The following ASTN1 variants were observed in gnomAD, a reference collection of about 807,000 sequenced individuals.
The protein encoded by ASTN1 is astrotactin-1.
Under a neutral mutation model 140.7 loss-of-function variants are expected in ASTN1, and 41 were observed. The observed-to-expected ratio is 0.29, with a 90% CI of 0.23 to 0.38. The LOEUF is 0.38. Ranked by LOEUF, ASTN1 falls within the 10% of genes least tolerant of loss-of-function variation. The pLI is 1.00. For synonymous variants in ASTN1, 640 were observed against 652.2 expected, an observed-to-expected ratio of 0.98 and a Z score of 0.29; for missense variants, 1,479 against 1,678.8, an observed-to-expected ratio of 0.88 and a Z score of 2.08.
chr1:177,067,583 C>T (rs565666423), intron 1 of ASTN1, among the ~76,000 whole-genome samples: 77 of 152,210 alleles, frequency 5.1e-4, no homozygotes, highest in Middle Eastern at 6.8e-3. Flanking sequence ...CTATTAACAG[C>T]GGTATTAACT....
intron 2 of ASTN1, among the ~76,000 whole-genome samples, chr1:177,057,256 G>A (rs1309404005): frequency 6.6e-6 from 1 of 152,136 alleles, no homozygotes; most frequent in Admixed American, 6.6e-5. Flanking sequence ...CTCCCAGCTG[G>A]GGAATTGGCT....
At chr1:177,129,809 A>T (rs879810253) in intron 1 of ASTN1, among the ~76,000 whole-genome samples, 5 of 152,130 alleles carry the variant, frequency 3.3e-5, no homozygotes, top group Non-Finnish European at 7.3e-5. Flanking sequence ...TCTGCTTAAA[A>T]TACAAAAACT....
chr1:177,128,172 A>C (rs751398136), intron 1 of ASTN1, among the ~76,000 whole-genome samples: 2 of 152,202 alleles, frequency 1.3e-5, no homozygotes, highest in Non-Finnish European at 2.9e-5. Flanking sequence ...AAAAGGAGTC[A>C]TAACTTAGAA....
chr1:177,139,827 G>T (rs2102221221), intron 1 of ASTN1, among the ~76,000 whole-genome samples: 1 of 151,902 alleles, frequency 6.6e-6, no homozygotes, highest in African/African-American at 2.4e-5. Flanking sequence ...TAGATCTCTG[G>T]CTTGTCCCAT....
At chr1:177,061,050 T>G in intron 2 of ASTN1, 28 bp downstream of exon 2, 1 of 1,509,864 alleles carries the variant, frequency 6.6e-7, no homozygotes, top group Non-Finnish European at 8.9e-7. Flanking sequence ...AGCTATGGCC[T>G]GAGAGGCTAA....
chr1:176,967,124 T>C (rs571312916), intron 8 of ASTN1, among the ~76,000 whole-genome samples: 1 of 152,294 alleles, frequency 6.6e-6, no homozygotes, highest in South Asian at 2.1e-4. Context: ...AAGCTTACTA[T>C]TCATAAATGC....
intron 1 of ASTN1, among the ~76,000 whole-genome samples, chr1:177,158,655 CGTGTGT>C (rs34610563): frequency 0.032 from 4,612 of 142,628 alleles, 84 homozygotes; most frequent in African/African-American, 0.057. Flanking sequence ...GAAAAAAGTA[CGTGTGT>C]GTGTGTGTGT....
chr1:177,133,071 A>G (rs985941574), intron 1 of ASTN1, among the ~76,000 whole-genome samples: 3 of 152,218 alleles, frequency 2.0e-5, no homozygotes, highest in African/African-American at 7.2e-5. Flanking sequence ...ATATTTCGAC[A>G]TAATATCTGT....
rs767614915 is a variant in ASTN1 at position 176,958,359 on chromosome 1, A to G, written c.1722T>C (p.Asp574=). The change falls in exon 10 of 23, where the codon GAT becomes GAC. Residue 574 remains aspartate, a synonymous_variant. Coordinates refer to ENST00000361833, the MANE Select transcript of ASTN1 (RefSeq NM_004319.3). The stretch of plus-strand genomic sequence containing the variant: ...GCCAGACTCACCTGACCTCCACAGC[A>G]TCCTCCATCACAGTCATGTCCGTCT... The part of the protein sequence containing the change: ...KCKTDMTVME[D]AVEVREELMT... 6.2e-7 allele frequency: 1 copy of G among 1,613,954 alleles called. No individual in the cohort carries two copies. Among genetic ancestry groups the G allele is most frequent in the South Asian group, 1.1e-5 (1 of 91,060 alleles).
chr1:177,132,099 T>C (rs1489218763), intron 1 of ASTN1, among the ~76,000 whole-genome samples: 1 of 152,202 alleles, frequency 6.6e-6, no homozygotes, highest in Non-Finnish European at 1.5e-5. Flanking sequence ...TTGGTAAGGT[T>C]ATTAGTGATT....
In ASTN1 at chr1:176,995,784, C is replaced by G. The variant is rs1465203672; in HGVS notation, c.1523+19007G>C. On this transcript the variant is annotated intron_variant, in intron 8 of 22. Coordinates refer to ENST00000361833, the MANE Select transcript of ASTN1 (RefSeq NM_004319.3). ...TCTTTTGGTGGCTAGAGAGGAAGGA[C>G]TTGGGGATAAATCAGGGGGCAGGAA... is the stretch of plus-strand genomic sequence containing the variant. 2.0e-5 allele frequency among the ~76,000 whole-genome samples: 3 copies of G among 152,196 alleles called. No homozygotes were observed. In the East Asian group the frequency reaches 5.8e-4, roughly 29 times the overall value.
chr1:176,915,618 G>A (rs373274892), intron 16 of ASTN1, among the ~76,000 whole-genome samples: 18 of 152,140 alleles, frequency 1.2e-4, no homozygotes, highest in African/African-American at 1.9e-4. Context: ...CACAGCTTCC[G>A]GTGGTATCAT....
At chr1:177,126,784 G>C (rs1235375050) in intron 1 of ASTN1, among the ~76,000 whole-genome samples, 4 of 152,036 alleles carry the variant, frequency 2.6e-5, no homozygotes, top group Non-Finnish European at 4.4e-5. Context: ...TGTGGTCCTT[G>C]CCTTGCTATT....
At chr1:177,079,680 C>A (rs1385600424) in intron 1 of ASTN1, among the ~76,000 whole-genome samples, 3 of 151,914 alleles carry the variant, frequency 2.0e-5, no homozygotes, top group Non-Finnish European at 4.4e-5. Flanking sequence ...CAATATAAAA[C>A]CTGAGAACAC....
At chr1:177,144,707 TAC>T (rs978970088) in intron 1 of ASTN1, among the ~76,000 whole-genome samples, 5 of 151,698 alleles carry the variant, frequency 3.3e-5, no homozygotes, top group African/African-American at 1.2e-4. Context: ...AAAAGGAATC[TAC>T]ACAGTGTTCA....
chr1:176,883,094 T>G, intron 19 of ASTN1, 100 bp from the exon 20 acceptor site: 1 of 1,498,678 alleles, frequency 6.7e-7, no homozygotes, highest in Non-Finnish European at 9.2e-7. Flanking sequence ...TGACAATGAT[T>G]TGGTCCTCAA....
At chr1:176,995,967 G>A (rs1387085132) in intron 8 of ASTN1, among the ~76,000 whole-genome samples, 1 of 152,124 alleles carries the variant, frequency 6.6e-6, no homozygotes, top group Non-Finnish European at 1.5e-5. Flanking sequence ...GGGCCCCTGA[G>A]ATCTGGATTC....
Position 177,107,761 on chromosome 1 carries a change from T to C in ASTN1, c.284-46496A>G, listed in dbSNP as rs1164214314. On this transcript the variant is annotated intron_variant, in intron 1 of 22. Coordinates refer to ENST00000361833, the MANE Select transcript of ASTN1 (RefSeq NM_004319.3). ...TTATCAGCCTCTGTATACTGCACTATTCCTTCCTGAACTTCTGTAATGATC... is the reference window on the plus strand; with the variant it reads ...TTATCAGCCTCTGTATACTGCACTACTCCTTCCTGAACTTCTGTAATGATC... 1.3e-5 allele frequency among the ~76,000 whole-genome samples: 2 copies of C among 152,180 alleles called. 1 individual carries two copies. Among genetic ancestry groups the C allele is most frequent in the Non-Finnish European group, 2.9e-5 (2 of 68,046 alleles).
chr1:176,947,313 A>G (rs1488971886), intron 12 of ASTN1, among the ~76,000 whole-genome samples: 15 of 152,192 alleles, frequency 9.9e-5, no homozygotes, highest in African/African-American at 3.6e-4. Flanking sequence ...CTATTTGTAG[A>G]AGTAGAGGTG....
Sources: gnomAD v4.1 joint callset for allele counts (sites outside exome capture counted in the v4.1 genomes callset) on GRCh38, gnomAD v4.1.1 for gene constraint, MANE v1.5 for transcripts, NCBI Gene and HGNC (gene_info 2026-07-23, HGNC 2026-07-21) for gene names.